TPRG1: variants seen among roughly 807,000 people sequenced by gnomAD.
TPRG1 encodes tumor protein p63 regulated 1.
In TPRG1, 29 loss-of-function variants were observed where a neutral mutation model predicts 29.3. The observed-to-expected ratio is 0.99, with a 90% CI of 0.74 to 1.35. The LOEUF (loss-of-function observed/expected upper bound fraction) is 1.35. Ranked by LOEUF, TPRG1 falls within the 40% of genes most tolerant of loss-of-function variation. TPRG1 has a pLI of 0.00. For synonymous variants in TPRG1, 130 were observed against 116.8 expected (o/e 1.11, Z -0.73); for missense variants, 327 against 335.0 (o/e 0.98, Z 0.19).
chr3:189,298,860 A>G (rs770482272), intron 4 of TPRG1, among the ~76,000 whole-genome samples: 15 of 152,190 alleles, frequency 9.9e-5, no homozygotes, highest in Non-Finnish European at 2.1e-4. Context: ...TTCCATTTCA[A>G]ATTCCTCCAA....
At chr3:189,264,044 GC>G (rs1713607012) in intron 4 of TPRG1, among the ~76,000 whole-genome samples, 1 of 152,088 alleles carries the variant, frequency 6.6e-6, no homozygotes, top group Non-Finnish European at 1.5e-5. Flanking sequence ...ATTTAGAAAT[GC>G]CATATGAAGT....
intron 4 of TPRG1, among the ~76,000 whole-genome samples, chr3:189,086,006 C>G (rs757116528): frequency 1.4e-4 from 21 of 152,172 alleles, no homozygotes; most frequent in Non-Finnish European, 2.9e-5. Flanking sequence ...AAGATGAAGT[C>G]CCACAATAGG....
At chr3:189,211,461 T>G (rs1322503074) in intron 2 of TPRG1, among the ~76,000 whole-genome samples, 5 of 152,208 alleles carry the variant, frequency 3.3e-5, no homozygotes, top group Admixed American at 3.3e-4. Context: ...AAGTCAATTT[T>G]AGCATCATAA....
chr3:189,103,027 G>A (rs6801367), intron 1 of TPRG1, among the ~76,000 whole-genome samples: 54,372 of 151,988 alleles, frequency 0.36, 11,595 homozygotes, highest in African/African-American at 0.57. Flanking sequence ...TTATTTTGGT[G>A]CTTCGTCTGT....
chr3:189,037,622 C>G (rs1397462771), intron 4 of TPRG1, among the ~76,000 whole-genome samples: 1 of 151,452 alleles, frequency 6.6e-6, no homozygotes, highest in Admixed American at 6.6e-5. Context: ...GGGACATAAC[C>G]AAATATAATG....
intron 4 of TPRG1, among the ~76,000 whole-genome samples, chr3:189,275,845 G>T (rs551509112): frequency 6.6e-6 from 1 of 152,168 alleles, no homozygotes; most frequent in South Asian, 2.1e-4. Flanking sequence ...GCCCTCTATA[G>T]GTCCATCACT....
chr3:189,138,953 G>A (rs1299989289), intron 3 of TPRG1, among the ~76,000 whole-genome samples: 1 of 152,110 alleles, frequency 6.6e-6, no homozygotes, highest in African/African-American at 2.4e-5. Context: ...CTATCTGAAA[G>A]GTGTTTGTAC....
At chr3:189,095,395 C>T (rs991925848), upstream of TPRG1, among the ~76,000 whole-genome samples, 3 of 152,074 alleles carry the variant, frequency 2.0e-5, no homozygotes, top group Admixed American at 1.3e-4. Flanking sequence ...CAGAGTATCT[C>T]ATCTGATATT....
chr3:189,179,209 T>C (rs1729893509), intron 1 of TPRG1, among the ~76,000 whole-genome samples: 1 of 152,228 alleles, frequency 6.6e-6, no homozygotes, highest in South Asian at 2.1e-4. Context: ...TACATGGAGC[T>C]GCAACCATAC....
intron 3 of TPRG1, among the ~76,000 whole-genome samples, chr3:189,141,942 C>A (rs1179248797): frequency 6.6e-6 from 1 of 151,900 alleles, no homozygotes; most frequent in Non-Finnish European, 1.5e-5. Context: ...TAAGTGGAGA[C>A]CTGAGAGATA....
rs779628755 is a variant in TPRG1 at position 189,105,632 on chromosome 3, CT to C, written c.-744+5429del. ...TCCCCAACAACCTTGGGAACTTCAA[CT>C]GCTGGTTTTGAGTCTACTTTGCTTT... On this transcript the variant is annotated intron_variant, in intron 1 of 6. Transcript: ENST00000412373. 2.3e-4 allele frequency among the ~76,000 whole-genome samples: 35 copies of C among 152,116 alleles called. 1 individual carries two copies. The highest frequency in any genetic ancestry group is 1.8e-3 in the Admixed American group (28 of 15,258).
At chr3:189,097,565 G>A (rs1370759131), upstream of TPRG1, among the ~76,000 whole-genome samples, 2 of 152,168 alleles carry the variant, frequency 1.3e-5, no homozygotes, top group South Asian at 4.1e-4. Context: ...AAAAAGATGT[G>A]TACTCATCGT....
At chr3:189,224,465 C>T (rs749190517) in intron 3 of TPRG1, among the ~76,000 whole-genome samples, 3 of 151,700 alleles carry the variant, frequency 2.0e-5, no homozygotes, top group Non-Finnish European at 4.4e-5. Flanking sequence ...GGCTGTAGAG[C>T]GAGACTCCAT....
In TPRG1 at chr3:189,160,398, C is replaced by G. The variant is rs137885471; in HGVS notation, c.-10+9526C>G. ...TGGTGCTCAGTAAATCCCTCCTCCACTTTAATTGGAAGTGTTGGGATCAGC... is the reference window on the plus strand; with the variant it reads ...TGGTGCTCAGTAAATCCCTCCTCCAGTTTAATTGGAAGTGTTGGGATCAGC... On this transcript the variant is annotated intron_variant, in intron 5 of 6. Transcript: ENST00000412373. Among the ~76,000 whole-genome samples the G allele has an allele frequency of 5.8e-3, 879 of 152,272 alleles. 9 individuals carry two copies. Among genetic ancestry groups the G allele is most frequent in the African/African-American group, 0.021 (858 of 41,538 alleles).
At chr3:189,301,844 C>T (rs1037337069) in intron 4 of TPRG1, among the ~76,000 whole-genome samples, 4 of 152,160 alleles carry the variant, frequency 2.6e-5, no homozygotes, top group Admixed American at 2.6e-4. Context: ...CCTACTGACT[C>T]CTCAGTGACT....
At chr3:189,299,175 A>T (rs1720435143) in intron 4 of TPRG1, among the ~76,000 whole-genome samples, 1 of 152,086 alleles carries the variant, frequency 6.6e-6, no homozygotes, top group African/African-American at 2.4e-5. Context: ...AAATTTACAC[A>T]AACCTGAGGC....
intron 3 of TPRG1, among the ~76,000 whole-genome samples, chr3:189,013,595 A>G (rs545514372): frequency 1.3e-5 from 2 of 152,142 alleles, no homozygotes; most frequent in African/African-American, 4.8e-5. Flanking sequence ...TGTCTTGATG[A>G]TTTGTTTAAT....
At chr3:189,132,760 A>G (rs1399710804) in intron 3 of TPRG1, 3 of 152,240 alleles carry the variant, frequency 2.0e-5, no homozygotes, top group Admixed American at 2.0e-4. Flanking sequence ...TTGAAGCTGC[A>G]TGGAAATACT....
At chr3:189,198,285 C>T (rs916587547) in intron 1 of TPRG1, among the ~76,000 whole-genome samples, 2 of 152,200 alleles carry the variant, frequency 1.3e-5, no homozygotes, top group African/African-American at 4.8e-5. Context: ...TAACTTCCCA[C>T]ACTCGCATTC....
Sources: gnomAD v4.1 joint callset for allele counts (sites outside exome capture counted in the v4.1 genomes callset) on GRCh38, gnomAD v4.1.1 for gene constraint, MANE v1.5 for transcripts, NCBI Gene and HGNC (gene_info 2026-07-23, HGNC 2026-07-21) for gene names.